Variants in DDX19B observed in about 807,000 individuals in gnomAD.
The protein encoded by DDX19B is DEAD-box helicase 19B.
DDX19B carries 27 observed loss-of-function variants against 58.1 expected under a neutral mutation model. That is an observed-to-expected ratio of 0.46 (90% CI 0.34 to 0.64). The LOEUF (loss-of-function observed/expected upper bound fraction) is 0.64, where lower values mean the gene tolerates loss of function less well. Among genes scored for constraint, DDX19B ranks in the 30% least tolerant of loss-of-function variants. The probability of loss-of-function intolerance (pLI) is 0.01; values close to 1 mark genes in which losing one functional copy is unlikely to be tolerated. For missense variants in DDX19B, 399 were observed against 596.5 expected, an observed-to-expected ratio of 0.67 and a Z score of 3.45; for synonymous variants, 187 against 214.4, an observed-to-expected ratio of 0.87 and a Z score of 1.12.
upstream of DDX19B, among the ~76,000 whole-genome samples, chr16:70,290,796 T>C (rs768927403): frequency 2.6e-5 from 4 of 152,196 alleles, no homozygotes; most frequent in Non-Finnish European, 5.9e-5. Context: ...TGGAGTCCCC[T>C]TTTTACAAAT....
At chr16:70,330,365 T>C (rs1449177615) in intron 9 of DDX19B, among the ~76,000 whole-genome samples, 2 of 152,124 alleles carry the variant, frequency 1.3e-5, no homozygotes, top group African/African-American at 2.4e-5. Context: ...GGCGGGTGGA[T>C]CACCTGAGGT....
upstream of DDX19B, among the ~76,000 whole-genome samples, chr16:70,292,282 A>C (rs1961076528): frequency 6.7e-6 from 1 of 148,886 alleles, no homozygotes; most frequent in Non-Finnish European, 1.5e-5. Flanking sequence ...CTGAGATTAC[A>C]GGCGCCACCA....
At chr16:70,298,263 G>T (rs897160196), upstream of DDX19B, among the ~76,000 whole-genome samples, 1 of 151,904 alleles carries the variant, frequency 6.6e-6, no homozygotes, top group African/African-American at 2.4e-5. Flanking sequence ...AAAACTAGCT[G>T]GGCATGGTGG....
At position 70,334,631 on chromosome 16, in the gene DDX19B, C is replaced by T. The variant is rs1002678729; in HGVS notation, c.*1049C>T. ...ATCTTGATTATAAAGGGCTTCTGAA[C>T]ATCTGTGTTTACTGCCTTTGGAATA... On this transcript the variant is annotated 3_prime_UTR_variant, in exon 12 of 12. Transcript: ENST00000288071. 1 of 152,180 alleles carries T rather than the reference C, an allele frequency of 6.6e-6. No individual in the cohort carries two copies. Among genetic ancestry groups the T allele is most frequent in the East Asian group, 1.9e-4 (1 of 5,194 alleles). The allele number at this position is 152,180 out of a possible 1,614,324, so 9.4% of individuals were successfully genotyped here. A position where few individuals can be genotyped will look rare whatever the true frequency, so the allele number is the denominator to read the frequency against.
chr16:70,305,365 C>A (rs1247276003), intron 1 of DDX19B, among the ~76,000 whole-genome samples: 1 of 152,206 alleles, frequency 6.6e-6, no homozygotes, highest in Non-Finnish European at 1.5e-5. Context: ...CCTCCCTTAA[C>A]TGTGGTCCTT....
At chr16:70,305,116 A>G (rs539827093) in intron 1 of DDX19B, among the ~76,000 whole-genome samples, 11 of 152,224 alleles carry the variant, frequency 7.2e-5, no homozygotes, top group African/African-American at 2.7e-4. Flanking sequence ...CTGTAAACAC[A>G]TGAGTGGGGC....
rs1054690688 is a variant in DDX19B at position 70,334,442 on chromosome 16, TG to T, written c.*861del. The T allele has an allele frequency of 1.3e-5, 2 of 152,212 alleles. No individual in the cohort carries two copies. The highest frequency in any genetic ancestry group is 4.8e-5 in the African/African-American group (2 of 41,430). The allele number at this position is 152,212 out of a possible 1,614,324, so 9.4% of individuals were successfully genotyped here. ...ACCCCACAGTAGCCCCAAACAAATGTGATCTGAGGTTTAGATCCTCAGTGAA... is the reference window on the plus strand; with the variant it reads ...ACCCCACAGTAGCCCCAAACAAATGTATCTGAGGTTTAGATCCTCAGTGAA... On this transcript the variant is annotated 3_prime_UTR_variant, in exon 12 of 12. Transcript: ENST00000288071.
At chr16:70,310,097 G>C (rs2152192474) in intron 1 of DDX19B, among the ~76,000 whole-genome samples, 1 of 151,478 alleles carries the variant, frequency 6.6e-6, no homozygotes, top group Admixed American at 6.6e-5. Flanking sequence ...AGATTAGCTG[G>C]GCAGGCTGGG....
chr16:70,329,730 A>G (rs1963379960), intron 8 of DDX19B, 101 bp from the exon 9 acceptor site: 2 of 1,513,516 alleles, frequency 1.3e-6, no homozygotes, highest in African/African-American at 1.4e-5. Flanking sequence ...CTCCTCTCCC[A>G]TCAGCCTTCC....
chr16:70,330,582 C>G (rs533394074), intron 9 of DDX19B, among the ~76,000 whole-genome samples: 1 of 152,174 alleles, frequency 6.6e-6, no homozygotes, highest in East Asian at 1.9e-4. Flanking sequence ...GAGCGAAACT[C>G]TGTCTCAATA....
rs200588402 is a variant in DDX19B, at chr16:70,333,014, C to G, written c.1233C>G (p.Pro411=). The change falls in exon 11 of 12, where the codon CCC becomes CCG. Residue 411 remains proline (P), a synonymous_variant. Coordinates refer to ENST00000288071, the MANE Select transcript of DDX19B (RefSeq NM_007242.7). ...QVSVVINFDL[P]VDKDGNPDNE... ...CTGTCGTCATCAACTTTGATCTTCC[C>G]GTGGACAAGGACGGGAATCCTGACA... 54 of 1,613,132 alleles carry G rather than the reference C, an allele frequency of 3.3e-5. No homozygotes were observed. The highest frequency in any genetic ancestry group is 4.3e-5 in the Non-Finnish European group (51 of 1,179,796).
Position 70,299,331 on chromosome 16 carries a change from G to A in DDX19B, c.34G>A (p.Glu12Lys), listed in dbSNP as rs779826394. 1 of 1,608,844 alleles carries A rather than the reference G, an allele frequency of 6.2e-7. No homozygotes were observed. Among genetic ancestry groups the A allele is most frequent in the African/African-American group, 1.3e-5 (1 of 74,888 alleles). Residue 12 changes from glutamate to lysine, a missense_variant, in exon 1 of 12, where the codon GAG becomes AAG. Glu to Lys is a moderately conservative substitution (Grantham distance 56). This residue lies in a region of DDX19B where 132 missense variants were observed against 159.4 expected (regional missense o/e 0.83). Coordinates refer to ENST00000288071, the MANE Select transcript of DDX19B (RefSeq NM_007242.7). ...TGACTCATGGGCCCTGGCGGTGGACGAGCAGGAAGCTGCGGCTGAGTCGGT... is the reference window on the plus strand; with the variant it reads ...TGACTCATGGGCCCTGGCGGTGGACAAGCAGGAAGCTGCGGCTGAGTCGGT... The part of the protein sequence containing the change: ...ATDSWALAVD[E>K]QEAAAESLSN...
At chr16:70,317,429 C>G (rs1962491889) in intron 4 of DDX19B, 67 bp from the exon 5 acceptor site, 1 of 1,244,584 alleles carries the variant, frequency 8.0e-7, no homozygotes, top group Non-Finnish European at 1.1e-6. Flanking sequence ...GAGAAAAATC[C>G]TCCAGATATT....
Position 70,320,371 on chromosome 16 carries a change from GT to G in DDX19B, c.389+2801del, listed in dbSNP as rs778237372. Among the ~76,000 whole-genome samples, 195 of 126,884 alleles carry G rather than the reference GT, an allele frequency of 1.5e-3. 1 individual carries two copies. Among genetic ancestry groups the G allele is most frequent in the African/African-American group, 2.1e-3 (73 of 34,220 alleles). The allele number at this position is 126,884 out of a possible 152,430, so 83.2% of individuals were successfully genotyped here. A position where few individuals can be genotyped will look rare whatever the true frequency, so the allele number is the denominator to read the frequency against. On this transcript the variant is annotated intron_variant, in intron 5 of 11. Coordinates refer to ENST00000288071, the MANE Select transcript of DDX19B (RefSeq NM_007242.7). Reference sequence around the variant, plus strand: ...AATCCTCCCACCTTGGCCTCCCCCAGTTTTTTTTTTTTTTTTTTGAGACAGG... The same window carrying G: ...AATCCTCCCACCTTGGCCTCCCCCAGTTTTTTTTTTTTTTTTTGAGACAGG...
At chr16:70,324,223 T>A in intron 5 of DDX19B, among the ~76,000 whole-genome samples, 1 of 151,846 alleles carries the variant, frequency 6.6e-6, no homozygotes, top group East Asian at 1.9e-4. Flanking sequence ...GTAGGCCAAC[T>A]GCAGTGACTC....
At chr16:70,328,466 G>A (rs553275397) in intron 7 of DDX19B, among the ~76,000 whole-genome samples, 2 of 149,430 alleles carry the variant, frequency 1.3e-5, no homozygotes, top group African/African-American at 2.5e-5. Context: ...GGGTTCAAGC[G>A]ATTCTCCTGC....
At chr16:70,324,856 A>T (rs915143185) in intron 6 of DDX19B, among the ~76,000 whole-genome samples, 169 bp downstream of exon 6, 2 of 152,172 alleles carry the variant, frequency 1.3e-5, no homozygotes, top group Admixed American at 1.3e-4. Flanking sequence ...GTTCTAGACC[A>T]GCCTGGCCAA....
At chr16:70,320,984 C>T (rs553167147) in intron 5 of DDX19B, among the ~76,000 whole-genome samples, 55 of 120,030 alleles carry the variant, frequency 4.6e-4, no homozygotes, top group Non-Finnish European at 7.4e-4. Context: ...TTTTTTGAGA[C>T]GGAGTTTCGC....
chr16:70,331,893 A>T lies in DDX19B; in HGVS notation c.1186+9A>T. 1 of 1,612,730 alleles carries T rather than the reference A, an allele frequency of 6.2e-7. No individual in the cohort carries two copies. Among genetic ancestry groups the T allele is most frequent in the Non-Finnish European group, 8.5e-7 (1 of 1,179,294 alleles). ...CAACGTGTGTGCCCGCGGTGAGCAG[A>T]GGACGTGTCCCACCTGGTCTGCCAG... On this transcript the variant is annotated intron_variant, in intron 10 of 11. Transcript: ENST00000288071.
Sources: allele counts gnomAD v4.1 joint callset (sites outside exome capture counted in the v4.1 genomes callset), GRCh38; gene constraint gnomAD v4.1.1; regional missense constraint gnomAD v4.1.1; transcripts MANE v1.5; gene names NCBI Gene and HGNC (gene_info 2026-07-23, HGNC 2026-07-21).